Variants in STARD9 observed in about 807,000 individuals in gnomAD.
STARD9 encodes StAR related lipid transfer domain containing 9.
In STARD9, 346 loss-of-function variants were observed where a neutral mutation model predicts 399.8. That is an observed-to-expected ratio of 0.87 (90% CI 0.79 to 0.95). STARD9 has a LOEUF of 0.95. STARD9 is among the 40% of genes least tolerant of loss of function. The pLI, the probability that STARD9 is intolerant of heterozygous loss-of-function variation, is 0.00. For missense variants in STARD9, 5,832 were observed against 5,667.5 expected, an observed-to-expected ratio of 1.03 and a Z score of -0.93; for synonymous variants, 2,203 against 2,143.5, an observed-to-expected ratio of 1.03 and a Z score of -0.77.
In STARD9 at chr15:42,686,913, G is replaced by T; in HGVS notation, c.5335G>T (p.Ala1779Ser). The change falls in exon 23 of 33, where the codon GCC becomes TCC. Residue 1779 changes from alanine to serine, a missense_variant. Physicochemically the swap from Ala to Ser is moderately conservative, Grantham distance 99. This residue lies in a region of STARD9 where 5,828 missense variants were observed against 5,651.1 expected (regional missense o/e 1.03). Coordinates refer to ENST00000290607, the MANE Select transcript of STARD9 (RefSeq NM_020759.3). ...VRVPSPPPRE[A>S]WGFGHNHQAL... ...GGTACCCTCCCCACCCCCCAGGGAA[G>T]CCTGGGGCTTTGGTCACAACCACCA... The T allele has an allele frequency of 6.5e-7, 1 of 1,536,606 alleles. No homozygotes were observed. The highest frequency in any genetic ancestry group is 8.7e-7 in the Non-Finnish European group (1 of 1,146,658).
At chr15:42,601,433 G>A (rs1400846102) in intron 3 of STARD9, among the ~76,000 whole-genome samples, 7 of 151,716 alleles carry the variant, frequency 4.6e-5, no homozygotes, top group South Asian at 4.1e-4. Flanking sequence ...CTTCCCAGAC[G>A]GGGCGGCCGG....
At chr15:42,634,552 C>A (rs1332100288) in intron 3 of STARD9, among the ~76,000 whole-genome samples, 4 of 152,146 alleles carry the variant, frequency 2.6e-5, no homozygotes, top group Non-Finnish European at 5.9e-5. Flanking sequence ...ATTTTGCTTG[C>A]ATATCTTTGC....
intron 3 of STARD9, among the ~76,000 whole-genome samples, chr15:42,597,002 AT>A (rs1451006553): frequency 6.6e-6 from 1 of 152,194 alleles, no homozygotes; most frequent in African/African-American, 2.4e-5. Context: ...GAGTTAGCAT[AT>A]TAAGGAAATT....
chr15:42,575,621 G>C lies in STARD9; in HGVS notation c.-95G>C. On this transcript the variant is annotated 5_prime_UTR_variant, in exon 1 of 33. Transcript: ENST00000290607. ...CGGCGTCCCCAGAGGCGCGTGGGGC[G>C]GGCGGGGCTGGGTTGGGGCTGTGTC... 2.2e-6 allele frequency: 3 copies of C among 1,360,474 alleles called. No homozygotes were observed. The highest frequency in any genetic ancestry group is 3.0e-6 in the Non-Finnish European group (3 of 1,002,740). 84.3% of individuals were successfully genotyped at this position (1,360,474 alleles called of 1,614,324 possible). A position where few individuals can be genotyped will look rare whatever the true frequency, so the allele number is the denominator to read the frequency against.
At chr15:42,668,782 G>A (rs2060151047) in intron 15 of STARD9, among the ~76,000 whole-genome samples, 1 of 152,162 alleles carries the variant, frequency 6.6e-6, no homozygotes, top group African/African-American at 2.4e-5. Flanking sequence ...TATGGATCAT[G>A]TAAAACTGGG....
chr15:42,675,246 A>T (rs941208455), intron 18 of STARD9, among the ~76,000 whole-genome samples: 3 of 152,236 alleles, frequency 2.0e-5, no homozygotes, highest in Non-Finnish European at 2.9e-5. Flanking sequence ...TAAAATGGGG[A>T]TAATAATAGA....
At chr15:42,683,150 T>C (rs1255298836) in intron 22 of STARD9, among the ~76,000 whole-genome samples, 1 of 152,262 alleles carries the variant, frequency 6.6e-6, no homozygotes, top group East Asian at 1.9e-4. Flanking sequence ...GTTTGTGTCT[T>C]ATACCTCTTT....
At position 42,691,577 on chromosome 15, in the gene STARD9, T is replaced by C. The variant is rs1360444981; in HGVS notation, c.9999T>C (p.Arg3333=). ...TPQFSVVGSS[R]SLQELNLSVE... is the part of the protein sequence containing the mutation. ...AGTTCTCAGTTGTCGGCTCTTCTCGTTCTCTTCAGGAGCTGAACTTGAGTG... is the reference window on the plus strand; with the variant it reads ...AGTTCTCAGTTGTCGGCTCTTCTCGCTCTCTTCAGGAGCTGAACTTGAGTG... The change falls in exon 23 of 33, where the codon CGT becomes CGC. Residue 3333 remains arginine, a synonymous_variant. Transcript: ENST00000290607. 2 of 1,537,226 alleles carry C rather than the reference T, an allele frequency of 1.3e-6. No homozygotes were observed. Among genetic ancestry groups the C allele is most frequent in the East Asian group, 4.9e-5 (2 of 40,914 alleles).
Position 42,689,486 on chromosome 15 carries a change from A to C in STARD9, c.7908A>C (p.Lys2636Asn), listed in dbSNP as rs1566942836. 3 of 1,537,308 alleles carry C rather than the reference A, an allele frequency of 2.0e-6. No individual in the cohort carries two copies. Among genetic ancestry groups the C allele is most frequent in the African/African-American group, 1.4e-5 (1 of 73,152 alleles). Residue 2636 changes from lysine (K) to asparagine (N), a missense_variant, in exon 23 of 33, where the codon AAA becomes AAC. Coordinates refer to ENST00000290607, the MANE Select transcript of STARD9 (RefSeq NM_020759.3). ...GQIDLLPDER[K>N]VQATSLSADS... ...TAGATCTGTTACCTGATGAGAGGAA[A>C]GTCCAGGCCACATCTCTGTCTGCAG...
At chr15:42,716,648 C>T in intron 26 of STARD9, 29 bp from the exon 27 acceptor site, 7 of 1,408,704 alleles carry the variant, frequency 5.0e-6, no homozygotes, top group Non-Finnish European at 6.8e-6. Context: ...TGCCTTCTGG[C>T]TCTGTCCTGA....
intron 26 of STARD9, among the ~76,000 whole-genome samples, chr15:42,716,028 A>G (rs2061342902): frequency 6.6e-6 from 1 of 152,098 alleles, no homozygotes; most frequent in Admixed American, 6.5e-5. Context: ...TTCCTCCTTT[A>G]TTGTGATCAG....
At position 42,674,435 on chromosome 15, in the gene STARD9, T is replaced by G; in HGVS notation, c.1498-5T>G. The G allele has an allele frequency of 3.9e-6, 6 of 1,536,918 alleles. No individual in the cohort carries two copies. Among genetic ancestry groups the G allele is most frequent in the Non-Finnish European group, 5.2e-6 (6 of 1,146,648 alleles). On this transcript the variant is annotated splice_region_variant and splice_polypyrimidine_tract_variant and intron_variant, in intron 16 of 32. Transcript: ENST00000290607. ...CTCATTAAAATGGCTTTTTTCCCCC[T>G]TTAGGAAGGGACAACAAAAATAGGA...
chr15:42,716,907 C>G lies in STARD9; in HGVS notation c.13373-20C>G. ...CCTGATGTTCAGTGCTATCACAGGG[C>G]CTCCACCTATTTCTTGTAGGCCACA... is the stretch of plus-strand genomic sequence containing the variant. On this transcript the variant is annotated intron_variant, in intron 27 of 32. Coordinates refer to ENST00000290607, the MANE Select transcript of STARD9 (RefSeq NM_020759.3). 6.5e-7 allele frequency: 1 copy of G among 1,537,074 alleles called. No individual in the cohort carries two copies. The highest frequency in any genetic ancestry group is 8.7e-7 in the Non-Finnish European group (1 of 1,146,834).
chr15:42,677,033 A>G (rs762531383), intron 20 of STARD9, among the ~76,000 whole-genome samples: 5 of 150,404 alleles, frequency 3.3e-5, no homozygotes, highest in African/African-American at 4.9e-5. Flanking sequence ...TGGGTGGATC[A>G]CAAGGTTAGG....
chr15:42,663,230 A>C, intron 11 of STARD9, 51 bp from the exon 12 acceptor site: 2 of 1,449,520 alleles, frequency 1.4e-6, no homozygotes, highest in Non-Finnish European at 1.9e-6. Context: ...GTTTTAATAT[A>C]TTTGCTTCAT....
intron 8 of STARD9, 139 bp downstream of exon 8, chr15:42,651,224 A>G (rs2059756372): frequency 3.8e-6 from 2 of 529,070 alleles, no homozygotes; most frequent in Non-Finnish European, 6.6e-6. Flanking sequence ...GGCTCTTCCC[A>G]GAACAATAGT....
At chr15:42,679,185 G>T (rs1447655547) in intron 20 of STARD9, among the ~76,000 whole-genome samples, 1 of 152,172 alleles carries the variant, frequency 6.6e-6, no homozygotes, top group Non-Finnish European at 1.5e-5. Flanking sequence ...TCTAGGATGG[G>T]CTCATGTTTG....
At chr15:42,581,958 C>T (rs1479650988) in intron 1 of STARD9, among the ~76,000 whole-genome samples, 1 of 152,106 alleles carries the variant, frequency 6.6e-6, no homozygotes, top group Non-Finnish European at 1.5e-5. Context: ...CAATACCAAT[C>T]TGTGTCGTCA....
intron 22 of STARD9, 49 bp from the exon 23 acceptor site, chr15:42,684,067 G>A: frequency 6.7e-7 from 1 of 1,481,796 alleles, no homozygotes; most frequent in Non-Finnish European, 9.0e-7. Flanking sequence ...CTGTCCACAG[G>A]AAGTAGTACC....
Sources: gnomAD v4.1 joint callset for allele counts (sites outside exome capture counted in the v4.1 genomes callset) on GRCh38, gnomAD v4.1.1 for gene constraint, gnomAD v4.1.1 regional missense constraint, MANE v1.5 for transcripts, NCBI Gene and HGNC (gene_info 2026-07-23, HGNC 2026-07-21) for gene names.